The following NCKAP5 variants were observed in gnomAD, a reference collection of about 807,000 sequenced individuals.
NCKAP5 encodes nck-associated protein 5.
NCKAP5 carries 92 observed loss-of-function variants against 167.0 expected under a neutral mutation model. The ratio of observed to expected loss-of-function variants is 0.55; its 90% CI spans 0.47 to 0.66. The LOEUF (loss-of-function observed/expected upper bound fraction) is 0.66, where lower values mean the gene tolerates loss of function less well. NCKAP5 is among the 30% of genes least tolerant of loss of function. The pLI is 0.00. For missense variants in NCKAP5, 2,378 were observed against 2,315.0 expected (o/e 1.03, Z -0.56); for synonymous variants, 891 against 877.4 (o/e 1.02, Z -0.27).
At chr2:132,827,097 G>A (rs1285906659) in intron 11 of NCKAP5, among the ~76,000 whole-genome samples, 2 of 152,204 alleles carry the variant, frequency 1.3e-5, no homozygotes, top group African/African-American at 4.8e-5. Flanking sequence ...CTGTCATTCA[G>A]ATGGAGATGG....
intron 2 of NCKAP5, among the ~76,000 whole-genome samples, chr2:133,550,454 A>T (rs1687190596): frequency 6.6e-6 from 1 of 151,804 alleles, no homozygotes; most frequent in Non-Finnish European, 1.5e-5. Flanking sequence ...TATGCAAATC[A>T]ATAAATGTAA....
At chr2:133,004,818 C>A (rs1015668956) in intron 6 of NCKAP5, among the ~76,000 whole-genome samples, 1 of 152,214 alleles carries the variant, frequency 6.6e-6, no homozygotes, top group African/African-American at 2.4e-5. Flanking sequence ...CACCCCTTAT[C>A]TTCAACCGCA....
intron 3 of NCKAP5, among the ~76,000 whole-genome samples, chr2:133,494,294 C>T (rs147943134): frequency 6.6e-6 from 1 of 152,254 alleles, no homozygotes; most frequent in South Asian, 2.1e-4. Context: ...TTATACAAAA[C>T]CTTGGGCTTA....
chr2:133,058,925 C>T (rs372333751), intron 6 of NCKAP5, among the ~76,000 whole-genome samples: 2 of 152,074 alleles, frequency 1.3e-5, no homozygotes, highest in Non-Finnish European at 2.9e-5. Flanking sequence ...AATAATTTAA[C>T]CTTGCTCAAG....
At chr2:132,831,736 T>C (rs1455472501) in intron 11 of NCKAP5, among the ~76,000 whole-genome samples, 2 of 152,108 alleles carry the variant, frequency 1.3e-5, no homozygotes, top group Admixed American at 1.3e-4. Context: ...GGCTTGGTTT[T>C]GTATTTAAAT....
chr2:133,445,206 C>T (rs1691117058), intron 3 of NCKAP5, among the ~76,000 whole-genome samples: 1 of 147,890 alleles, frequency 6.8e-6, no homozygotes, highest in Non-Finnish European at 1.5e-5. Flanking sequence ...AAGAAATGAG[C>T]TTTTTTTTTT....
At chr2:133,159,767 T>C (rs1013797985) in intron 5 of NCKAP5, among the ~76,000 whole-genome samples, 7 of 152,124 alleles carry the variant, frequency 4.6e-5, no homozygotes, top group Non-Finnish European at 1.0e-4. Flanking sequence ...TTCAAAAAAG[T>C]AGAACATGAC....
At chr2:133,316,681 C>G (rs751828852) in intron 3 of NCKAP5, among the ~76,000 whole-genome samples, 8 of 152,186 alleles carry the variant, frequency 5.3e-5, no homozygotes, top group Non-Finnish European at 1.0e-4. Flanking sequence ...GCGAACATTC[C>G]TCCTGGAGTG....
chr2:133,381,938 G>C (rs1025349934), intron 3 of NCKAP5, among the ~76,000 whole-genome samples: 1 of 152,214 alleles, frequency 6.6e-6, no homozygotes, highest in African/African-American at 2.4e-5. Context: ...AAAGGGGAAA[G>C]CTCCTCCAGA....
At chr2:132,768,943 T>C (rs963292366) in intron 16 of NCKAP5, among the ~76,000 whole-genome samples, 2 of 114,962 alleles carry the variant, frequency 1.7e-5, no homozygotes, top group African/African-American at 6.9e-5. Flanking sequence ...CTGGCCCTTT[T>C]TTTTTTTTTT....
chr2:133,151,431 C>T (rs543627809), intron 5 of NCKAP5, among the ~76,000 whole-genome samples: 6 of 151,942 alleles, frequency 3.9e-5, no homozygotes, highest in East Asian at 1.9e-4. Context: ...AAATATACAA[C>T]GAATGCTTAC....
At chr2:133,399,440 G>T (rs762828160) in intron 3 of NCKAP5, among the ~76,000 whole-genome samples, 1 of 151,960 alleles carries the variant, frequency 6.6e-6, no homozygotes, top group Non-Finnish European at 1.5e-5. Context: ...GAGGAAGGCC[G>T]GGAGGCAGTT....
intron 5 of NCKAP5, among the ~76,000 whole-genome samples, chr2:133,143,266 G>A (rs1352133942): frequency 6.6e-6 from 1 of 152,172 alleles, no homozygotes; most frequent in Non-Finnish European, 1.5e-5. Flanking sequence ...AATCAGAACA[G>A]GTGTGTTATT....
Position 132,987,047 on chromosome 2 carries a change from G to A in NCKAP5, c.429+7105C>T, listed in dbSNP as rs567341503. Among the ~76,000 whole-genome samples, 11 of 152,304 alleles carry A rather than the reference G, an allele frequency of 7.2e-5. No individual in the cohort carries two copies. The East Asian group carries it at 2.1e-3, about 29-fold the overall frequency. ...GTTGCCAGGTGGAGGTTGCTAGGCG[G>A]AGGGTGCTAAGTGAAAATGCTATAT... On this transcript the variant is annotated intron_variant, in intron 7 of 19. Transcript: ENST00000409261.
At chr2:133,204,378 C>G (rs979019724) in intron 5 of NCKAP5, among the ~76,000 whole-genome samples, 1 of 152,172 alleles carries the variant, frequency 6.6e-6, no homozygotes, top group African/African-American at 2.4e-5. Flanking sequence ...GACTCCCCCC[C>G]ATCAGAGGTA....
At chr2:133,636,931 T>A in the NCKAP5 span, among the ~76,000 whole-genome samples, 1 of 152,170 alleles carries the variant, frequency 6.6e-6, no homozygotes, top group Admixed American at 6.5e-5. Flanking sequence ...AATTTACCTG[T>A]ATCAGCTTCA....
chr2:132,914,821 T>A (rs566683672), intron 8 of NCKAP5, among the ~76,000 whole-genome samples: 2 of 152,096 alleles, frequency 1.3e-5, no homozygotes, highest in South Asian at 4.2e-4. Context: ...AAAAAGCCTA[T>A]CAGGAGGAAG....
chr2:133,088,348 T>G (rs2081064128), intron 6 of NCKAP5, among the ~76,000 whole-genome samples: 1 of 152,114 alleles, frequency 6.6e-6, no homozygotes, highest in African/African-American at 2.4e-5. Flanking sequence ...CACTTTCCAG[T>G]CTTACCTCAT....
chr2:132,812,740 A>G (rs10191090), intron 11 of NCKAP5, among the ~76,000 whole-genome samples: 40,137 of 152,074 alleles, frequency 0.26, 5,849 homozygotes, highest in African/African-American at 0.4. Context: ...AAATACCACA[A>G]TATTGTGGCT....
Sources: allele counts gnomAD v4.1 joint callset (sites outside exome capture counted in the v4.1 genomes callset), GRCh38; gene constraint gnomAD v4.1.1; transcripts MANE v1.5; gene names NCBI Gene and HGNC (gene_info 2026-07-23, HGNC 2026-07-21).